Variants in TLN2 observed in about 807,000 individuals in gnomAD.
TLN2 encodes the protein talin-2.
Under a neutral mutation model 294.7 loss-of-function variants are expected in TLN2, and 118 were observed. That is an observed-to-expected ratio of 0.40 (90% CI 0.34 to 0.47). TLN2 has a LOEUF of 0.47. Ranked by LOEUF, TLN2 falls within the 20% of genes least tolerant of loss-of-function variation. The probability of loss-of-function intolerance (pLI) is 0.84; values close to 1 mark genes in which losing one functional copy is unlikely to be tolerated. For synonymous variants in TLN2, 1,431 were observed against 1,304.5 expected (o/e 1.10, Z -2.09); for missense variants, 3,083 against 3,282.2 (o/e 0.94, Z 1.48).
intron 1 of TLN2, among the ~76,000 whole-genome samples, chr15:62,567,044 A>T (rs1428288077): frequency 6.6e-6 from 1 of 152,192 alleles, no homozygotes; most frequent in East Asian, 1.9e-4. Context: ...TCTTGAGTCG[A>T]CATAGTTACG....
chr15:62,711,845 C>G, intron 21 of TLN2, 66 bp from the exon 22 acceptor site: 1 of 1,525,658 alleles, frequency 6.6e-7, no homozygotes, highest in Non-Finnish European at 8.9e-7. Flanking sequence ...ACTGTAGTGG[C>G]TCCTGAGGTT....
At position 62,739,620 on chromosome 15, in the gene TLN2, C is replaced by T; in HGVS notation, c.3885+75C>T. ...ATGGATAATCCATCCTTGAGACTGA[C>T]TGAACAAATAGGAAAAGGAACCTGG... On this transcript the variant is annotated intron_variant, in intron 31 of 58. Coordinates refer to ENST00000636159, the MANE Select transcript of TLN2 (RefSeq NM_015059.3). 3 of 1,537,092 alleles carry T rather than the reference C, an allele frequency of 2.0e-6. No individual in the cohort carries two copies. In the South Asian group the frequency reaches 3.6e-5, roughly 19 times the overall value.
In TLN2 at chr15:62,492,189, C is replaced by T. The variant is rs909474989; in HGVS notation, c.-237-97498C>T. ...AAAACTGGCCGGACGCGGTGGCTCA[C>T]GCCTGTAATCCCAGCACTTTGGGAG... On this transcript the variant is annotated intron_variant, in intron 1 of 58. Coordinates refer to ENST00000636159, the MANE Select transcript of TLN2 (RefSeq NM_015059.3). Among the ~76,000 whole-genome samples, 9 of 151,984 alleles carry T rather than the reference C, an allele frequency of 5.9e-5. No individual in the cohort carries two copies. The East Asian group carries it at 1.2e-3, about 20-fold the overall frequency.
rs58550834 is a variant in TLN2 at position 62,522,978 on chromosome 15, A to ACT, written c.-237-66703_-237-66702dup. ...CACACACACACACACACACACACAC[A>ACT]CTCTCTCACTCACACTCATTCACTT... On this transcript the variant is annotated intron_variant, in intron 1 of 58. Coordinates refer to ENST00000636159, the MANE Select transcript of TLN2 (RefSeq NM_015059.3). Among the ~76,000 whole-genome samples the ACT allele has an allele frequency of 9.3e-4, 102 of 109,204 alleles. 1 individual carries two copies. In the South Asian group the frequency reaches 0.019, roughly 20 times the overall value. The allele number at this position is 109,204 out of a possible 152,430, so 71.6% of individuals were successfully genotyped here.
chr15:62,407,649 G>A (rs1440892519), intron 1 of TLN2, among the ~76,000 whole-genome samples: 2 of 152,200 alleles, frequency 1.3e-5, no homozygotes, highest in Admixed American at 1.3e-4. Flanking sequence ...GGGCGCAATG[G>A]CTCATGCCTG....
intron 23 of TLN2, 54 bp downstream of exon 23, chr15:62,716,513 T>C: frequency 2.6e-6 from 4 of 1,542,262 alleles, no homozygotes; most frequent in Non-Finnish European, 3.5e-6. Context: ...CAAAGAGTTA[T>C]TTGAAAAGAT....
At chr15:62,417,588 T>G (rs1177609510) in intron 1 of TLN2, among the ~76,000 whole-genome samples, 1 of 152,196 alleles carries the variant, frequency 6.6e-6, no homozygotes, top group Non-Finnish European at 1.5e-5. Context: ...CCTGCCTGAG[T>G]CAGCCGTCCT....
intron 1 of TLN2, among the ~76,000 whole-genome samples, chr15:62,485,796 T>G (rs2038358106): frequency 6.6e-6 from 1 of 152,176 alleles, no homozygotes; most frequent in Non-Finnish European, 1.5e-5. Context: ...GAGCTGGATC[T>G]GTATGGCTGA....
At chr15:62,572,847 G>T (rs183969871) in intron 1 of TLN2, among the ~76,000 whole-genome samples, 1 of 151,874 alleles carries the variant, frequency 6.6e-6, no homozygotes, top group South Asian at 2.1e-4. Flanking sequence ...TTGGAATCCC[G>T]CACTCTGTGC....
chr15:62,811,122 T>C (rs1747495609), intron 52 of TLN2, among the ~76,000 whole-genome samples: 1 of 152,248 alleles, frequency 6.6e-6, no homozygotes, highest in East Asian at 1.9e-4. Flanking sequence ...ACTGCCTCCT[T>C]CTTAGAAATA....
chr15:62,800,409 T>C lies in TLN2; in HGVS notation c.6276T>C (p.Leu2092=), dbSNP rs756378156. The change falls in exon 49 of 59, where the codon CTT becomes CTC. Residue 2092 remains leucine, a synonymous_variant. Coordinates refer to ENST00000636159, the MANE Select transcript of TLN2 (RefSeq NM_015059.3). ...INAIKDVAKA[L]SDLISATKGA... ...CCATCAAAGATGTGGCCAAGGCCCT[T>C]TCTGATCTCATCAGTGCTACCAAGG... 1 of 1,614,212 alleles carries C rather than the reference T, an allele frequency of 6.2e-7. No homozygotes were observed.
At chr15:62,828,281 A>G (rs1462353804) in intron 54 of TLN2, 1 of 152,318 alleles carries the variant, frequency 6.6e-6, no homozygotes, top group Non-Finnish European at 1.5e-5. Context: ...ATCTGTCCTC[A>G]GCAAGAGTTG....
At chr15:62,430,528 G>T (rs1385322164) in intron 1 of TLN2, among the ~76,000 whole-genome samples, 1 of 152,168 alleles carries the variant, frequency 6.6e-6, no homozygotes, top group Non-Finnish European at 1.5e-5. Flanking sequence ...GGAGGAGGTA[G>T]CACTTGTTTG....
intron 1 of TLN2, among the ~76,000 whole-genome samples, chr15:62,463,784 G>A (rs1437035919): frequency 2.0e-5 from 3 of 152,168 alleles, no homozygotes; most frequent in Admixed American, 2.0e-4. Flanking sequence ...CTACTCGGGA[G>A]GCTGAGGTGG....
intron 1 of TLN2, among the ~76,000 whole-genome samples, chr15:62,463,779 C>T (rs562865902): frequency 2.6e-5 from 4 of 152,156 alleles, no homozygotes; most frequent in East Asian, 1.9e-4. Context: ...CCCAGCTACT[C>T]GGGAGGCTGA....
chr15:62,797,821 G>C (rs540633656), intron 48 of TLN2, among the ~76,000 whole-genome samples: 42 of 152,334 alleles, frequency 2.8e-4, no homozygotes, highest in African/African-American at 1.0e-3. Flanking sequence ...ACTAGTGAGT[G>C]CGCGTGAGCC....
chr15:62,553,207 T>C (rs908924383), intron 1 of TLN2, among the ~76,000 whole-genome samples: 1 of 152,186 alleles, frequency 6.6e-6, no homozygotes, highest in Non-Finnish European at 1.5e-5. Flanking sequence ...TATTTAAGAA[T>C]AATGGCGGCT....
intron 44 of TLN2, 90 bp downstream of exon 44, chr15:62,781,331 A>G: frequency 9.9e-7 from 1 of 1,010,356 alleles, no homozygotes. Context: ...TCTGTGTCAG[A>G]GAGAGAGCCC....
At chr15:62,825,841 A>ATATTATATATTATAT in intron 54 of TLN2, among the ~76,000 whole-genome samples, 3 of 89,652 alleles carry the variant, frequency 3.3e-5, no homozygotes, top group South Asian at 6.1e-4. Flanking sequence ...TATATAATAT[A>ATATTATATATTATAT]TATAAATATA....
Sources: gnomAD v4.1 joint callset for allele counts (sites outside exome capture counted in the v4.1 genomes callset) on GRCh38, gnomAD v4.1.1 for gene constraint, MANE v1.5 for transcripts, NCBI Gene and HGNC (gene_info 2026-07-23, HGNC 2026-07-21) for gene names.